The following ANO4 variants were observed in gnomAD, a reference collection of about 807,000 sequenced individuals.
The protein encoded by ANO4 is anoctamin-4.
ANO4 carries 69 observed loss-of-function variants against 141.9 expected under a neutral mutation model. The observed-to-expected ratio is 0.49, with a 90% CI of 0.40 to 0.59. The LOEUF is 0.59. ANO4 is among the 20% of genes least tolerant of loss of function. The pLI, the probability that ANO4 is intolerant of heterozygous loss-of-function variation, is 0.00. For synonymous variants in ANO4, 350 were observed against 394.3 expected, an observed-to-expected ratio of 0.89 and a Z score of 1.33; for missense variants, 894 against 1,162.2, an observed-to-expected ratio of 0.77 and a Z score of 3.36.
intron 5 of ANO4, among the ~76,000 whole-genome samples, chr12:100,945,516 T>G (rs563879): frequency 1.3e-5 from 2 of 152,132 alleles, no homozygotes; most frequent in Admixed American, 1.3e-4. Flanking sequence ...GATTCCCTTC[T>G]TAAAGGTAAG....
At chr12:100,724,141 T>C (rs764008793) in intron 1 of ANO4, among the ~76,000 whole-genome samples, 1 of 152,174 alleles carries the variant, frequency 6.6e-6, no homozygotes, top group Admixed American at 6.5e-5. Flanking sequence ...CAACAGTGAA[T>C]CAAGTAGGTG....
intron 2 of ANO4, among the ~76,000 whole-genome samples, chr12:100,735,083 C>T (rs1350182813): frequency 1.3e-5 from 2 of 152,186 alleles, no homozygotes; most frequent in Non-Finnish European, 2.9e-5. Context: ...ATTGCTGCCA[C>T]CTTTCTGAGT....
chr12:100,944,731 C>A (rs2042655653), intron 5 of ANO4, among the ~76,000 whole-genome samples: 1 of 152,108 alleles, frequency 6.6e-6, no homozygotes, highest in Non-Finnish European at 1.5e-5. Flanking sequence ...GTCAGCTCAG[C>A]AAGAAAAGGG....
chr12:100,879,944 C>T (rs1435523297), intron 1 of ANO4, among the ~76,000 whole-genome samples: 2 of 152,082 alleles, frequency 1.3e-5, no homozygotes, highest in African/African-American at 4.8e-5. Flanking sequence ...GGAAGACACT[C>T]CAGGATGATG....
chr12:101,000,911 T>C (rs1208971990), intron 8 of ANO4, among the ~76,000 whole-genome samples: 1 of 152,236 alleles, frequency 6.6e-6, no homozygotes, highest in Non-Finnish European at 1.5e-5. Flanking sequence ...CATTTATCTA[T>C]CTGTAAATAC....
chr12:101,097,875 C>T lies in ANO4; in HGVS notation c.1936C>T (p.Leu646=), dbSNP rs778488741. The T allele has an allele frequency of 1.2e-6, 2 of 1,613,840 alleles. No homozygotes were observed. Among genetic ancestry groups the T allele is most frequent in the South Asian group, 1.1e-5 (1 of 91,070 alleles). ...CCACCCTAGTGGATGCCTTATTGATCTGTGTATGCAAATGGGTATTATAAT... is the reference window on the plus strand; with the variant it reads ...CCACCCTAGTGGATGCCTTATTGATTTGTGTATGCAAATGGGTATTATAAT... ...ECHPSGCLID[L]CMQMGIIMVL... The change falls in exon 21 of 28, where the codon CTG becomes TTG. Residue 646 remains leucine, a synonymous_variant. Transcript: ENST00000392977.
At chr12:100,943,715 T>A (rs190807982) in intron 5 of ANO4, among the ~76,000 whole-genome samples, 2,020 of 143,810 alleles carry the variant, frequency 0.014, 49 homozygotes, top group African/African-American at 0.047. Flanking sequence ...ACAAACAGAA[T>A]TAAAAATGTT....
intron 14 of ANO4, among the ~76,000 whole-genome samples, chr12:101,064,663 T>A (rs2625157): frequency 0.024 from 3,064 of 130,120 alleles, 46 homozygotes; most frequent in African/African-American, 0.038. Flanking sequence ...CTTAAAGTAT[T>A]ATAATAATAA....
chr12:100,957,974 A>G (rs1428482682), intron 5 of ANO4, among the ~76,000 whole-genome samples: 2 of 152,140 alleles, frequency 1.3e-5, no homozygotes, highest in Non-Finnish European at 2.9e-5. Context: ...TCCCAAAGTG[A>G]CAGAATTACA....
intron 9 of ANO4, among the ~76,000 whole-genome samples, chr12:101,021,265 C>G (rs925807031): frequency 2.6e-5 from 4 of 152,108 alleles, no homozygotes; most frequent in African/African-American, 7.2e-5. Flanking sequence ...GTGAAGCCCC[C>G]CAAGGGGATA....
At chr12:101,094,704 G>A (rs924497448) in intron 18 of ANO4, among the ~76,000 whole-genome samples, 2 of 152,158 alleles carry the variant, frequency 1.3e-5, no homozygotes, top group Non-Finnish European at 2.9e-5. Flanking sequence ...AAGACTGGAA[G>A]GCCAGGCATG....
Position 100,901,802 on chromosome 12 carries a change from CTGGAATCACTAA to C in ANO4, c.23_34del (p.Ile8_Gly11del), listed in dbSNP as rs759758819. ...TCAATAAAAATGGAGGCAAGCTCTT[CTGGAATCACTAA>C]TGGAAAAACCAAAGTCTTCCACCCA... On this transcript the variant is annotated inframe_deletion, in exon 2 of 28. Coordinates refer to ENST00000392977, the MANE Select transcript of ANO4 (RefSeq NM_001286615.2). The C allele has an allele frequency of 2.4e-5, 39 of 1,612,964 alleles. 1 individual carries two copies. In the African/African-American group the frequency reaches 4.8e-4, roughly 20 times the overall value.
chr12:100,773,252 C>G (rs564955712), intron 3 of ANO4, among the ~76,000 whole-genome samples: 1 of 152,250 alleles, frequency 6.6e-6, no homozygotes, highest in South Asian at 2.1e-4. Context: ...AGGCTGAGCC[C>G]CATCTCCAAA....
In ANO4 at chr12:101,083,714, A is replaced by G. The variant is rs545098873; in HGVS notation, c.1432A>G (p.Lys478Glu). ...IRPQFEAKYSKKERMNPISGK... is the reference protein window; with the variant it reads ...IRPQFEAKYSEKERMNPISGK... ...ACCCCAGTTTGAAGCCAAGTATTCC[A>G]AGAAAGAGCGGATGAATCCAATTTC... The change falls in exon 16 of 28, where the codon AAG (lysine) becomes GAG (glutamate). Residue 478 changes from lysine to glutamate, a missense_variant. This residue lies in a region of ANO4 where 637 missense variants were observed against 909.2 expected (regional missense o/e 0.70). Transcript: ENST00000392977. The G allele has an allele frequency of 8.7e-6, 14 of 1,609,384 alleles. No homozygotes were observed. Among genetic ancestry groups the G allele is most frequent in the Non-Finnish European group, 1.1e-5 (13 of 1,178,974 alleles).
rs117041406 is a variant in ANO4, at chr12:101,119,889, G to A, written c.2571-631G>A. ...TCTGAATAGTGCCTGGTCCCCAACA[G>A]GTATTCGGCAAACATTTGTGGCATT... On this transcript the variant is annotated intron_variant, in intron 25 of 27. Transcript: ENST00000392977. 6.6e-5 allele frequency among the ~76,000 whole-genome samples: 10 copies of A among 152,260 alleles called. No homozygotes were observed. In the East Asian group the frequency reaches 1.7e-3, roughly 26 times the overall value.
intron 2 of ANO4, chr12:100,739,704 G>T: frequency 1.6e-6 from 1 of 617,306 alleles, no homozygotes; most frequent in Non-Finnish European, 2.9e-6. Flanking sequence ...CCATCAAGAG[G>T]GATGATGCCT....
chr12:100,929,619 G>T (rs1239006561), intron 3 of ANO4, among the ~76,000 whole-genome samples: 1 of 152,022 alleles, frequency 6.6e-6, no homozygotes, highest in Admixed American at 6.6e-5. Flanking sequence ...TTTCTTTGGG[G>T]TATATACCCC....
intron 6 of ANO4, among the ~76,000 whole-genome samples, chr12:100,971,794 A>T (rs1182298318): frequency 6.6e-6 from 1 of 152,144 alleles, no homozygotes; most frequent in Non-Finnish European, 1.5e-5. Context: ...CCAGAAAAAC[A>T]TTAAAATGTA....
chr12:100,806,075 G>A (rs1248807794), intron 1 of ANO4, among the ~76,000 whole-genome samples: 1 of 152,186 alleles, frequency 6.6e-6, no homozygotes, highest in African/African-American at 2.4e-5. Context: ...GTGTAGACAG[G>A]CTACAGCTTG....
Sources: gnomAD v4.1 joint callset for allele counts (sites outside exome capture counted in the v4.1 genomes callset) on GRCh38, gnomAD v4.1.1 for gene constraint, gnomAD v4.1.1 regional missense constraint, MANE v1.5 for transcripts, NCBI Gene and HGNC (gene_info 2026-07-23, HGNC 2026-07-21) for gene names.